Variants in CFAP44 observed in about 807,000 individuals in gnomAD.
The protein encoded by CFAP44 is cilia- and flagella-associated protein 44.
CFAP44 carries 134 observed loss-of-function variants against 216.2 expected under a neutral mutation model. The ratio of observed to expected loss-of-function variants is 0.62; its 90% CI spans 0.54 to 0.72. CFAP44 has a LOEUF of 0.72. Ranked by LOEUF, CFAP44 falls within the 30% of genes least tolerant of loss-of-function variation. CFAP44 has a pLI of 0.00. For missense variants in CFAP44, 2,035 were observed against 2,182.1 expected (o/e 0.93, Z 1.34); for synonymous variants, 700 against 727.6 (o/e 0.96, Z 0.61).
rs1256776751 is a variant in CFAP44, at chr3:113,291,756, A to C, written c.5374-8T>G. 1 of 1,535,148 alleles carries C rather than the reference A, an allele frequency of 6.5e-7. No homozygotes were observed. Among genetic ancestry groups the C allele is most frequent in the Non-Finnish European group, 8.7e-7 (1 of 1,146,638 alleles). On this transcript the variant is annotated splice_polypyrimidine_tract_variant and splice_region_variant and intron_variant, in intron 34 of 34. Transcript: ENST00000393845. ...GCCCTGGAAGGCATTGCCCTGTTGAAAGAAAACAGCTCCCTGTTGAAGCAT... is the reference window on the plus strand; with the variant it reads ...GCCCTGGAAGGCATTGCCCTGTTGACAGAAAACAGCTCCCTGTTGAAGCAT...
intron 27 of CFAP44, among the ~76,000 whole-genome samples, chr3:113,327,146 C>T (rs1950195953): frequency 2.0e-5 from 3 of 151,938 alleles, no homozygotes; most frequent in South Asian, 2.1e-4. Flanking sequence ...ATTTAATATA[C>T]AAATATAACA....
chr3:113,306,344 T>A lies in CFAP44; in HGVS notation c.4628-13A>T. On this transcript the variant is annotated splice_polypyrimidine_tract_variant and intron_variant, in intron 29 of 34. Transcript: ENST00000393845. ...GCCACATCACAATCTGCCAAGAGAA[T>A]TAAAATAAAAACCAGCCTCATTTGT... 1 of 1,532,174 alleles carries A rather than the reference T, an allele frequency of 6.5e-7. No individual in the cohort carries two copies. The highest frequency in any genetic ancestry group is 1.2e-5 in the South Asian group (1 of 82,266). 94.9% of individuals were successfully genotyped at this position (1,532,174 alleles called of 1,614,324 possible).
At chr3:113,331,737 C>T (rs760887434) in intron 25 of CFAP44, among the ~76,000 whole-genome samples, 1 of 152,054 alleles carries the variant, frequency 6.6e-6, no homozygotes, top group Non-Finnish European at 1.5e-5. Flanking sequence ...CACACATCAA[C>T]TCTTTCTTTC....
In CFAP44 at chr3:113,294,801, T is replaced by A; in HGVS notation, c.5259A>T (p.Arg1753=). 1 of 1,534,340 alleles carries A rather than the reference T, an allele frequency of 6.5e-7. No individual in the cohort carries two copies. The highest frequency in any genetic ancestry group is 8.7e-7 in the Non-Finnish European group (1 of 1,145,924). The stretch of plus-strand genomic sequence containing the variant: ...CTTTTGTCTTCATCATCAGTTCCCA[T>A]CGCATTTGAGCAATCTTTTCCTACC... The part of the protein sequence containing the change: ...KMWEEKIAQM[R]WELMMKTKEH... Residue 1753 remains arginine, a synonymous_variant, in exon 34 of 35, where the codon CGA becomes CGT. Transcript: ENST00000393845.
chr3:113,319,962 T>G (rs1049372090), intron 28 of CFAP44, among the ~76,000 whole-genome samples: 1 of 152,092 alleles, frequency 6.6e-6, no homozygotes, highest in Non-Finnish European at 1.5e-5. Flanking sequence ...TTATGAACAC[T>G]TCTATGCACA....
intron 4 of CFAP44, among the ~76,000 whole-genome samples, chr3:113,423,842 C>T (rs1209463987): frequency 2.0e-5 from 3 of 152,162 alleles, no homozygotes; most frequent in Non-Finnish European, 4.4e-5. Context: ...AGCACAGCCA[C>T]GTGCAGGAAG....
At chr3:113,358,276 C>T (rs1377669894) in intron 22 of CFAP44, among the ~76,000 whole-genome samples, 2 of 151,716 alleles carry the variant, frequency 1.3e-5, no homozygotes, top group Admixed American at 6.6e-5. Flanking sequence ...AAAAAATTTT[C>T]AAGATGTTAA....
At chr3:113,406,322 G>A (rs1322634115) in intron 8 of CFAP44, among the ~76,000 whole-genome samples, 1 of 152,156 alleles carries the variant, frequency 6.6e-6, no homozygotes, top group African/African-American at 2.4e-5. Flanking sequence ...AGACAAAATG[G>A]GGAAAAGTAA....
At chr3:113,386,342 T>C (rs1933648956) in intron 15 of CFAP44, among the ~76,000 whole-genome samples, 1 of 152,224 alleles carries the variant, frequency 6.6e-6, no homozygotes, top group South Asian at 2.1e-4. Context: ...TGGAGTTTAA[T>C]CCATATACAT....
chr3:113,424,798 G>T (rs552989483), intron 4 of CFAP44, among the ~76,000 whole-genome samples: 1 of 152,156 alleles, frequency 6.6e-6, no homozygotes, highest in Non-Finnish European at 1.5e-5. Context: ...TCATATATTG[G>T]AATAAAAGTT....
chr3:113,395,692 A>G (rs892267151), intron 15 of CFAP44, 58 bp downstream of exon 15: 6 of 1,444,756 alleles, frequency 4.2e-6, no homozygotes, highest in Admixed American at 1.9e-5. Context: ...TATCTACAAG[A>G]TAGTTTCACT....
chr3:113,310,433 T>G (rs1400222240), intron 28 of CFAP44, among the ~76,000 whole-genome samples: 1 of 152,204 alleles, frequency 6.6e-6, no homozygotes, highest in Admixed American at 6.5e-5. Flanking sequence ...GAAGTCTGAA[T>G]GGGGAATATA....
chr3:113,303,005 C>A (rs988879817), intron 32 of CFAP44, among the ~76,000 whole-genome samples: 1 of 152,052 alleles, frequency 6.6e-6, no homozygotes, highest in Non-Finnish European at 1.5e-5. Flanking sequence ...CACCAGCAAT[C>A]AAAAAATGTG....
chr3:113,294,864 G>GAAGA, intron 33 of CFAP44, 43 bp from the exon 34 acceptor site: 1 of 1,476,450 alleles, frequency 6.8e-7, no homozygotes, highest in Non-Finnish European at 8.9e-7. Context: ...GTGAATACGA[G>GAAGA]AAGAAAGAAA....
At chr3:113,379,612 C>T (rs1933450823) in intron 16 of CFAP44, 61 bp from the exon 17 acceptor site, 4 of 1,303,904 alleles carry the variant, frequency 3.1e-6, no homozygotes, top group Non-Finnish European at 4.2e-6. Context: ...TCATTTACAC[C>T]ATTAGGGATG....
chr3:113,303,587 A>C (rs1949958523), intron 32 of CFAP44, among the ~76,000 whole-genome samples: 1 of 152,206 alleles, frequency 6.6e-6, no homozygotes, highest in Non-Finnish European at 1.5e-5. Flanking sequence ...TTGCATTAGA[A>C]AGAGATGGGG....
In CFAP44 at chr3:113,290,130, A is replaced by G. The variant is rs934600705; in HGVS notation, c.*1427T>C. On this transcript the variant is annotated 3_prime_UTR_variant, in exon 35 of 35. Transcript: ENST00000393845. ...AGACACTCAGGGCTATGACTAGCAT[A>G]TTTTTAAAAATACTTGAAAGGCACA... 3 of 152,192 alleles carry G rather than the reference A, an allele frequency of 2.0e-5. No homozygotes were observed. The highest frequency in any genetic ancestry group is 7.2e-5 in the African/African-American group (3 of 41,430). The allele number at this position is 152,192 out of a possible 1,614,324, so 9.4% of individuals were successfully genotyped here.
At chr3:113,359,370 T>G (rs1404651700) in intron 21 of CFAP44, among the ~76,000 whole-genome samples, 2 of 152,200 alleles carry the variant, frequency 1.3e-5, no homozygotes, top group Non-Finnish European at 2.9e-5. Flanking sequence ...AGAGGTCTCA[T>G]GTTTCTTACC....
At chr3:113,295,861 G>A (rs943540153) in intron 33 of CFAP44, among the ~76,000 whole-genome samples, 3 of 152,198 alleles carry the variant, frequency 2.0e-5, no homozygotes, top group Admixed American at 2.0e-4. Context: ...ATTCAAGCCT[G>A]AGAGGATAGC....
Sources: gnomAD v4.1 joint callset for allele counts (sites outside exome capture counted in the v4.1 genomes callset) on GRCh38, gnomAD v4.1.1 for gene constraint, MANE v1.5 for transcripts, NCBI Gene and HGNC (gene_info 2026-07-23, HGNC 2026-07-21) for gene names.